Variants in LEPR observed in about 807,000 individuals in gnomAD.
The protein encoded by LEPR is OB receptor.
In LEPR, 56 loss-of-function variants were observed where a neutral mutation model predicts 114.7. The observed-to-expected ratio is 0.49, with a 90% CI of 0.39 to 0.61. LEPR has a LOEUF of 0.61. LEPR is among the 20% of genes least tolerant of loss of function. The pLI, the probability that LEPR is intolerant of heterozygous loss-of-function variation, is 0.00. For synonymous variants in LEPR, 443 were observed against 461.4 expected (o/e 0.96, Z 0.51); for missense variants, 1,202 against 1,352.9 (o/e 0.89, Z 1.75).
intron 5 of LEPR, among the ~76,000 whole-genome samples, chr1:65,578,945 A>G (rs1408392988): frequency 6.6e-6 from 1 of 152,214 alleles, no homozygotes; most frequent in Non-Finnish European, 1.5e-5. Context: ...GAACCCAGAT[A>G]TAGTGCCACT....
chr1:65,546,446 A>G (rs934639371), intron 2 of LEPR, among the ~76,000 whole-genome samples: 3 of 152,074 alleles, frequency 2.0e-5, no homozygotes, highest in Non-Finnish European at 4.4e-5. Flanking sequence ...ATGAGCATGG[A>G]ATGTTCTTCC....
At chr1:65,482,676 A>G (rs1389985892) in intron 2 of LEPR, among the ~76,000 whole-genome samples, 1 of 152,142 alleles carries the variant, frequency 6.6e-6, no homozygotes, top group African/African-American at 2.4e-5. Flanking sequence ...ATAGATATCA[A>G]TTCCATGTCT....
chr1:65,609,965 G>A lies in LEPR; in HGVS notation c.1771G>A (p.Ala591Thr). ...VQWKMYEVYD[A>T]KSKSVSLPVP... is the part of the protein sequence containing the mutation. ...TTTACAGATGTATGAGGTTTATGAT[G>A]CAAAATCAAAATCTGTCAGTCTCCC... Residue 591 changes from alanine to threonine, a missense_variant, in exon 13 of 20, where the codon GCA (alanine) becomes ACA (threonine). Physicochemically the swap from Ala to Thr is moderately conservative, Grantham distance 58 (BLOSUM62 0). Coordinates refer to ENST00000349533, the MANE Select transcript of LEPR (RefSeq NM_002303.6). 2 of 1,614,172 alleles carry A rather than the reference G, an allele frequency of 1.2e-6. No individual in the cohort carries two copies. The highest frequency in any genetic ancestry group is 1.7e-6 in the Non-Finnish European group (2 of 1,179,994).
intron 14 of LEPR, among the ~76,000 whole-genome samples, chr1:65,613,832 T>C (rs1048812043): frequency 3.2e-5 from 4 of 126,924 alleles, no homozygotes; most frequent in African/African-American, 1.3e-4. Context: ...AGATGACAAA[T>C]ATGAATATTA....
At chr1:65,574,834 T>A (rs1654463911) in intron 5 of LEPR, among the ~76,000 whole-genome samples, 1 of 152,110 alleles carries the variant, frequency 6.6e-6, no homozygotes, top group Admixed American at 6.5e-5. Context: ...CAGGAAGATA[T>A]AATAAGGTCT....
chr1:65,564,458 TC>T (rs1653570245), intron 2 of LEPR, among the ~76,000 whole-genome samples: 1 of 142,512 alleles, frequency 7.0e-6, no homozygotes, highest in Non-Finnish European at 1.6e-5. Flanking sequence ...TGTCTGGCAC[TC>T]CCTAGTGAGA....
In LEPR at chr1:65,636,465, T is replaced by A. The variant is rs772824953; in HGVS notation, c.2948T>A (p.Phe983Tyr). 2.5e-6 allele frequency: 4 copies of A among 1,613,920 alleles called. No homozygotes were observed. In the South Asian group the frequency reaches 4.4e-5, roughly 18 times the overall value. ...TYEDESQRQP[F>Y]VKYATLISNS... ...GAGGACGAAAGCCAGAGACAACCCTTTGTTAAATACGCCACGCTGATCAGC... is the reference window on the plus strand; with the variant it reads ...GAGGACGAAAGCCAGAGACAACCCTATGTTAAATACGCCACGCTGATCAGC... Residue 983 changes from phenylalanine to tyrosine, a missense_variant, in exon 20 of 20, where the codon TTT (phenylalanine) becomes TAT (tyrosine). Phe to Tyr is a conservative substitution (Grantham distance 22, BLOSUM62 3). Coordinates refer to ENST00000349533, the MANE Select transcript of LEPR (RefSeq NM_002303.6).
At chr1:65,567,000 T>G (rs777323153) in intron 3 of LEPR, among the ~76,000 whole-genome samples, 1 of 152,244 alleles carries the variant, frequency 6.6e-6, no homozygotes, top group Non-Finnish European at 1.5e-5. Context: ...TATAATTCTC[T>G]ATTAATTTTC....
intron 2 of LEPR, among the ~76,000 whole-genome samples, chr1:65,439,386 T>C (rs1646617129): frequency 6.6e-6 from 1 of 152,208 alleles, no homozygotes; most frequent in Non-Finnish European, 1.5e-5. Context: ...CAAAAATATA[T>C]GGTCAAATGA....
chr1:65,578,938 C>T lies in LEPR; in HGVS notation c.494+6489C>T, dbSNP rs574299332. On this transcript the variant is annotated intron_variant, in intron 5 of 19. Coordinates refer to ENST00000349533, the MANE Select transcript of LEPR (RefSeq NM_002303.6). ...TTCTTTAAGTCACCCAGAGGAGGAA[C>T]CCAGATATAGTGCCACTGCCATCAT... Among the ~76,000 whole-genome samples, 21 of 152,258 alleles carry T rather than the reference C, an allele frequency of 1.4e-4. No individual in the cohort carries two copies. In the South Asian group the frequency reaches 4.2e-3, roughly 30 times the overall value.
intron 5 of LEPR, among the ~76,000 whole-genome samples, chr1:65,585,868 A>C (rs1175797753): frequency 6.6e-6 from 1 of 151,986 alleles, no homozygotes; most frequent in African/African-American, 2.4e-5. Flanking sequence ...TTAACTTCTT[A>C]TACTGACTTT....
intron 2 of LEPR, among the ~76,000 whole-genome samples, chr1:65,441,958 G>A (rs1398031671): frequency 6.6e-6 from 1 of 152,162 alleles, no homozygotes; most frequent in African/African-American, 2.4e-5. Flanking sequence ...GGTATACTGA[G>A]GGGTAGGAGA....
intron 2 of LEPR, among the ~76,000 whole-genome samples, chr1:65,481,483 A>G (rs1389052585): frequency 6.6e-6 from 1 of 152,166 alleles, no homozygotes; most frequent in South Asian, 2.1e-4. Context: ...GTTGTTTTAC[A>G]GGTGAGTCCA....
chr1:65,430,942 T>C (rs1378442300), intron 2 of LEPR, among the ~76,000 whole-genome samples: 1 of 152,174 alleles, frequency 6.6e-6, no homozygotes, highest in Admixed American at 6.5e-5. Flanking sequence ...ATGGCTGTTG[T>C]ATGGAATGAC....
Position 65,592,771 on chromosome 1 carries a change from C to T in LEPR, c.609C>T (p.Ala203=), listed in dbSNP as rs1326334551. ...AATGTCTTGTGCCTGTGCCAACAGC[C>T]AAACTCAACGACACTCTCCTTATGT... ...CCECLVPVPT[A]KLNDTLLMCL... The change falls in exon 6 of 20, where the codon GCC becomes GCT. Residue 203 remains alanine (A), a synonymous_variant. Transcript: ENST00000349533. The T allele has an allele frequency of 1.9e-6, 3 of 1,613,286 alleles. No individual in the cohort carries two copies. In the South Asian group the frequency reaches 3.3e-5, roughly 18 times the overall value.
intron 2 of LEPR, among the ~76,000 whole-genome samples, chr1:65,453,572 C>T (rs535757843): frequency 6.6e-6 from 1 of 152,196 alleles, no homozygotes; most frequent in South Asian, 2.1e-4. Context: ...TGTTCAGTTT[C>T]CATGTAGTTG....
chr1:65,552,706 C>T (rs543588285), intron 2 of LEPR, among the ~76,000 whole-genome samples: 3 of 152,184 alleles, frequency 2.0e-5, no homozygotes, highest in South Asian at 2.1e-4. Context: ...GGGCATTTAG[C>T]CCATTTACAT....
chr1:65,634,565 G>T, intron 19 of LEPR: 15 of 947,482 alleles, frequency 1.6e-5, no homozygotes, highest in Non-Finnish European at 1.9e-5. Context: ...AATTATGAGT[G>T]AAATATTCTA....
chr1:65,539,511 G>T (rs1000644850), intron 2 of LEPR, among the ~76,000 whole-genome samples: 1 of 152,160 alleles, frequency 6.6e-6, no homozygotes. Flanking sequence ...TTGCCTAAAT[G>T]TCAGGGCTTT....
Sources: gnomAD v4.1 joint callset for allele counts (sites outside exome capture counted in the v4.1 genomes callset) on GRCh38, gnomAD v4.1.1 for gene constraint, MANE v1.5 for transcripts, NCBI Gene and HGNC (gene_info 2026-07-23, HGNC 2026-07-21) for gene names.